Variants in NSMAF observed in about 807,000 individuals in gnomAD.
The protein encoded by NSMAF is protein FAN.
Under a neutral mutation model 134.9 loss-of-function variants are expected in NSMAF, and 90 were observed. The observed-to-expected ratio is 0.67, with a 90% confidence interval of 0.56 to 0.79. The LOEUF (loss-of-function observed/expected upper bound fraction) is 0.79, where lower values mean the gene tolerates loss of function less well. Among genes scored for constraint, NSMAF ranks in the 30% least tolerant of loss-of-function variants. NSMAF has a pLI of 0.00. For missense variants in NSMAF, 1,010 were observed against 1,119.0 expected, an observed-to-expected ratio of 0.90 and a Z score of 1.39; for synonymous variants, 358 against 389.6, an observed-to-expected ratio of 0.92 and a Z score of 0.96.
Position 58,585,921 on chromosome 8 carries a change from G to A in NSMAF, c.2526C>T (p.Ser842=), listed in dbSNP as rs531143043. The stretch of plus-strand genomic sequence containing the variant: ...ACCTCTGGGGCTCATCTGATGTCAT[G>A]GAGGAGATGAGCATTCCTGTCTGCA... ...IDVQTGMLIS[S]MTSDEPQRCF... The change falls in exon 29 of 31, where the codon TCC becomes TCT. Residue 842 remains serine, a synonymous_variant. Transcript: ENST00000038176. The A allele has an allele frequency of 6.2e-7, 1 of 1,613,622 alleles. No homozygotes were observed. Among genetic ancestry groups the A allele is most frequent in the East Asian group, 2.2e-5 (1 of 44,878 alleles).
At chr8:58,620,688 C>A (rs1038682673) in intron 9 of NSMAF, among the ~76,000 whole-genome samples, 4 of 152,066 alleles carry the variant, frequency 2.6e-5, no homozygotes, top group Admixed American at 2.6e-4. Context: ...ATTGAAAACT[C>A]TTTTGCTTGT....
intron 9 of NSMAF, among the ~76,000 whole-genome samples, chr8:58,613,423 G>T (rs1384278077): frequency 6.6e-6 from 1 of 152,048 alleles, no homozygotes; most frequent in Non-Finnish European, 1.5e-5. Context: ...CTGGCACGAG[G>T]TACATATTGT....
rs1481900463 is a variant in NSMAF at position 58,603,458 on chromosome 8, C to T, written c.869-72G>A. 5.7e-6 allele frequency: 8 copies of T among 1,401,840 alleles called. No individual in the cohort carries two copies. In the East Asian group the frequency reaches 6.9e-5, roughly 12 times the overall value. The allele number at this position is 1,401,840 out of a possible 1,614,324, so 86.8% of individuals were successfully genotyped here. A position where few individuals can be genotyped will look rare whatever the true frequency, so the allele number is the denominator to read the frequency against. ...TAGTATGCAAAAGCTAGGGGCTTAACGTGTAGACCATCCCTGTGCATTCTT... is the reference window on the plus strand; with the variant it reads ...TAGTATGCAAAAGCTAGGGGCTTAATGTGTAGACCATCCCTGTGCATTCTT... On this transcript the variant is annotated intron_variant, in intron 12 of 30. Transcript: ENST00000038176.
At chr8:58,641,187 C>T (rs956109268) in intron 2 of NSMAF, among the ~76,000 whole-genome samples, 2 of 152,176 alleles carry the variant, frequency 1.3e-5, no homozygotes, top group South Asian at 2.1e-4. Context: ...TCCCAAAGTA[C>T]TGGGATTACA....
rs781145227 is a variant in NSMAF, at chr8:58,599,307, C to T, written c.1510G>A (p.Glu504Lys). ...KDALESNYVS[E>K]HLHEWIDLIF... ...AGATCAATCCACTCGTGAAGGTGTTCAGACACATAATTGCTTTCCAATGCA... is the reference window on the plus strand; with the variant it reads ...AGATCAATCCACTCGTGAAGGTGTTTAGACACATAATTGCTTTCCAATGCA... Residue 504 changes from glutamate (E) to lysine (K), a missense_variant, in exon 19 of 31, where the codon GAA (glutamate) becomes AAA (lysine). Transcript: ENST00000038176. 1.2e-5 allele frequency: 19 copies of T among 1,613,920 alleles called. No individual in the cohort carries two copies. The East Asian group carries it at 3.6e-4, about 30-fold the overall frequency.
rs1181536602 is a variant in NSMAF at position 58,637,320 on chromosome 8, T to A, written c.150-1774A>T. 6.6e-6 allele frequency: 3 copies of A among 456,042 alleles called. No homozygotes were observed. In the Admixed American group the frequency reaches 7.1e-5, roughly 11 times the overall value. 28.2% of individuals were successfully genotyped at this position (456,042 alleles called of 1,614,324 possible). On this transcript the variant is annotated intron_variant, in intron 2 of 30. Transcript: ENST00000038176. ...CAGCAATTTCTCCAAAGAACCCCCA[T>A]CCTTTCAGTGGGAAGTGGTATTAAG... is the stretch of plus-strand genomic sequence containing the variant.
At position 58,659,540 on chromosome 8, in the gene NSMAF, C is replaced by T. The variant is rs1316200408; in HGVS notation, c.59+33G>A. 3 of 1,523,466 alleles carry T rather than the reference C, an allele frequency of 2.0e-6. No individual in the cohort carries two copies. The South Asian group carries it at 3.7e-5, about 19-fold the overall frequency. The allele number at this position is 1,523,466 out of a possible 1,614,324, so 94.4% of individuals were successfully genotyped here. The stretch of plus-strand genomic sequence containing the variant: ...CCCCACGACCGGCCCCGACTAGGCC[C>T]CCGGCTGGGCCCTTCTTCAGCTGGG... On this transcript the variant is annotated intron_variant, in intron 1 of 30. Transcript: ENST00000038176.
chr8:58,659,640 G>A lies in NSMAF; in HGVS notation c.-9C>T, dbSNP rs867030262. On this transcript the variant is annotated 5_prime_UTR_variant, in exon 1 of 31. Coordinates refer to ENST00000038176, the MANE Select transcript of NSMAF (RefSeq NM_003580.4). ...TTCCGGATAAACGCCATGGAGGGTA[G>A]GCGCGGGCGGGCGCAGAGCGCACAG... 1.7e-5 allele frequency: 24 copies of A among 1,427,538 alleles called. No individual in the cohort carries two copies. Among genetic ancestry groups the A allele is most frequent in the Middle Eastern group, 4.4e-4 (2 of 4,572 alleles). 88.4% of individuals were successfully genotyped at this position (1,427,538 alleles called of 1,614,324 possible). A position where few individuals can be genotyped will look rare whatever the true frequency, so the allele number is the denominator to read the frequency against.
At chr8:58,607,688 A>T in intron 11 of NSMAF, 81 bp downstream of exon 11, 1 of 1,038,768 alleles carries the variant, frequency 9.6e-7, no homozygotes, top group Non-Finnish European at 1.5e-6. Context: ...CAGACATCCC[A>T]TAAGTGTTTA....
chr8:58,600,974 A>G (rs982636173), intron 16 of NSMAF, among the ~76,000 whole-genome samples: 1 of 152,228 alleles, frequency 6.6e-6, no homozygotes, highest in Non-Finnish European at 1.5e-5. Flanking sequence ...AAAATATGGC[A>G]TATGTTAGAA....
At chr8:58,632,501 A>AAG (rs1331350002) in intron 5 of NSMAF, among the ~76,000 whole-genome samples, 49 of 152,202 alleles carry the variant, frequency 3.2e-4, no homozygotes, top group African/African-American at 1.1e-3. Flanking sequence ...GCAGTTTTCC[A>AAG]CATGGCTTCC....
Position 58,595,478 on chromosome 8 carries a change from C to G in NSMAF, c.1892+82G>C, listed in dbSNP as rs1313084019. On this transcript the variant is annotated intron_variant, in intron 22 of 30. Transcript: ENST00000038176. ...AAAGGGAATTTTCCCTCTGACTCAGCTTAAAACAGTTTAATCCCATGCCAA... is the reference window on the plus strand; with the variant it reads ...AAAGGGAATTTTCCCTCTGACTCAGGTTAAAACAGTTTAATCCCATGCCAA... 1.6e-5 allele frequency: 15 copies of G among 966,862 alleles called. No individual in the cohort carries two copies. In the Middle Eastern group the frequency reaches 6.3e-4, roughly 41 times the overall value. The allele number at this position is 966,862 out of a possible 1,614,324, so 59.9% of individuals were successfully genotyped here.
At position 58,659,536 on chromosome 8, in the gene NSMAF, G is replaced by A. The variant is rs779476956; in HGVS notation, c.59+37C>T. The A allele has an allele frequency of 3.7e-5, 56 of 1,523,296 alleles. No individual in the cohort carries two copies. The African/African-American group carries it at 7.8e-4, about 21-fold the overall frequency. 94.4% of individuals were successfully genotyped at this position (1,523,296 alleles called of 1,614,324 possible). ...GCGTCCCCACGACCGGCCCCGACTAGGCCCCCGGCTGGGCCCTTCTTCAGC... is the reference window on the plus strand; with the variant it reads ...GCGTCCCCACGACCGGCCCCGACTAAGCCCCCGGCTGGGCCCTTCTTCAGC... On this transcript the variant is annotated intron_variant, in intron 1 of 30. Transcript: ENST00000038176.
intron 6 of NSMAF, among the ~76,000 whole-genome samples, chr8:58,629,494 T>C (rs1009025464): frequency 6.6e-6 from 1 of 152,238 alleles, no homozygotes; most frequent in East Asian, 1.9e-4. Flanking sequence ...GAATTCCTTG[T>C]CAGGTAATTA....
At position 58,638,457 on chromosome 8, in the gene NSMAF, T is replaced by C. The variant is rs572554445; in HGVS notation, c.150-2911A>G. ...AGCATGATACAGCTGTACAGACCAA[T>C]GGAACACAATACATCCACATATATG... is the stretch of plus-strand genomic sequence containing the variant. On this transcript the variant is annotated intron_variant, in intron 2 of 30. Transcript: ENST00000038176. Among the ~76,000 whole-genome samples, 6 of 152,140 alleles carry C rather than the reference T, an allele frequency of 3.9e-5. No individual in the cohort carries two copies. In the South Asian group the frequency reaches 8.3e-4, roughly 21 times the overall value.
chr8:58,614,589 T>C (rs1053448123), intron 9 of NSMAF, among the ~76,000 whole-genome samples: 1 of 152,220 alleles, frequency 6.6e-6, no homozygotes, highest in Non-Finnish European at 1.5e-5. Flanking sequence ...TTGTCCTGCC[T>C]CTGTATCCCT....
intron 1 of NSMAF, among the ~76,000 whole-genome samples, chr8:58,657,513 A>T (rs551778788): frequency 6.6e-6 from 1 of 152,380 alleles, no homozygotes; most frequent in South Asian, 2.1e-4. Context: ...AAATCTGGGC[A>T]GAAATGGTAA....
At chr8:58,599,675 C>A (rs1458369663) in intron 18 of NSMAF, 75 bp downstream of exon 18, 3 of 1,494,948 alleles carry the variant, frequency 2.0e-6, no homozygotes, top group Non-Finnish European at 2.7e-6. Context: ...AAAATCTAAG[C>A]AATAAAATAA....
intron 2 of NSMAF, among the ~76,000 whole-genome samples, chr8:58,639,755 T>C (rs1451319383): frequency 6.6e-6 from 1 of 152,010 alleles, no homozygotes; most frequent in Admixed American, 6.6e-5. Context: ...TATATATGAA[T>C]ATAAAACATA....
Sources: allele counts gnomAD v4.1 joint callset (sites outside exome capture counted in the v4.1 genomes callset), GRCh38; gene constraint gnomAD v4.1.1; transcripts MANE v1.5; gene names NCBI Gene and HGNC (gene_info 2026-07-23, HGNC 2026-07-21).